Variants in CORO2A observed in about 807,000 individuals in gnomAD.
CORO2A encodes coronin 2A.
In CORO2A, 47 loss-of-function variants were observed where a neutral mutation model predicts 62.4. The ratio of observed to expected loss-of-function variants is 0.75; its 90% CI spans 0.60 to 0.96. CORO2A has a LOEUF of 0.96. Ranked by LOEUF, CORO2A falls within the 40% of genes least tolerant of loss-of-function variation. CORO2A has a pLI of 0.00. For missense variants in CORO2A, 610 were observed against 684.1 expected, an observed-to-expected ratio of 0.89 and a Z score of 1.21; for synonymous variants, 273 against 268.9, an observed-to-expected ratio of 1.02 and a Z score of -0.15.
rs918768478 is a variant in CORO2A, at chr9:98,124,936, C to T, written c.1447-31G>A. The T allele has an allele frequency of 5.2e-6, 8 of 1,551,470 alleles. No individual in the cohort carries two copies. The Admixed American group carries it at 1.6e-4, about 30-fold the overall frequency. The stretch of plus-strand genomic sequence containing the variant: ...GAAGAAAGATCGGAAGGCAGGATCA[C>T]CATGGTGTCAGGACACCAGCTGAAA... On this transcript the variant is annotated intron_variant, in intron 11 of 11. Transcript: ENST00000375077.
Position 98,129,822 on chromosome 9 carries a change from G to A in CORO2A, c.939C>T (p.Tyr313=). The part of the protein sequence containing the change: ...DKPHLSYLTE[Y]RSYNPQKGIG... ...TCCCCTTCTGTGGGTTATAGGAGCG[G>A]TACTCAGTCAGGTAGCTCAGGTGAG... The change falls in exon 8 of 12, where the codon TAC becomes TAT. Residue 313 remains tyrosine (Y), a synonymous_variant. Transcript: ENST00000375077. 6.2e-7 allele frequency: 1 copy of A among 1,613,986 alleles called. No homozygotes were observed. Among genetic ancestry groups the A allele is most frequent in the Non-Finnish European group, 8.5e-7 (1 of 1,179,888 alleles).
chr9:98,131,244 G>C (rs929969838), intron 6 of CORO2A, among the ~76,000 whole-genome samples, 185 bp from the exon 7 acceptor site: 2 of 152,176 alleles, frequency 1.3e-5, no homozygotes, highest in South Asian at 4.1e-4. Context: ...CCAATGTGTG[G>C]GCTACTCTCT....
intron 2 of CORO2A, among the ~76,000 whole-genome samples, chr9:98,151,653 A>T (rs575157930): frequency 6.6e-6 from 1 of 152,008 alleles, no homozygotes; most frequent in South Asian, 2.1e-4. Flanking sequence ...AACACTTTCA[A>T]CTTTTCTTTC....
Position 98,170,356 on chromosome 9 carries a change from C to A in CORO2A, c.1-12696G>T, listed in dbSNP as rs146320064. On this transcript the variant is annotated intron_variant, in intron 1 of 11. Transcript: ENST00000375077. ...TCACACCAGCAGCTTCTTCTGAACC[C>A]CTCCTTGAGGTGGTAGGAGCCAAGG... Among the ~76,000 whole-genome samples the A allele has an allele frequency of 1.3e-3, 199 of 152,338 alleles. 2 individuals are homozygous for A. In the East Asian group the frequency reaches 0.034, roughly 26 times the overall value.
At chr9:98,144,648 C>T (rs1333120230) in intron 2 of CORO2A, among the ~76,000 whole-genome samples, 2 of 152,116 alleles carry the variant, frequency 1.3e-5, no homozygotes, top group African/African-American at 4.8e-5. Context: ...AGAAGGCTCC[C>T]TGGAGGAGGA....
intron 6 of CORO2A, 120 bp from the exon 7 acceptor site, chr9:98,131,179 A>C: frequency 4.5e-6 from 3 of 664,684 alleles, no homozygotes; most frequent in Non-Finnish European, 7.9e-6. Flanking sequence ...TCAGAGAAAA[A>C]GTGTGATTTT....
intron 1 of CORO2A, among the ~76,000 whole-genome samples, chr9:98,182,451 C>T (rs1354259842): frequency 1.3e-5 from 2 of 152,132 alleles, no homozygotes; most frequent in African/African-American, 4.8e-5. Flanking sequence ...ATCTCCCCAG[C>T]CCTCCTCCAC....
chr9:98,145,576 C>A (rs2118844464), intron 2 of CORO2A, among the ~76,000 whole-genome samples: 1 of 152,268 alleles, frequency 6.6e-6, no homozygotes, highest in East Asian at 1.9e-4. Flanking sequence ...AAACAGTTGG[C>A]TAGGACAGGG....
intron 1 of CORO2A, among the ~76,000 whole-genome samples, chr9:98,163,485 C>T (rs866265474): frequency 2.8e-4 from 43 of 152,300 alleles, no homozygotes; most frequent in South Asian, 8.3e-4. Flanking sequence ...CCATTGTGCC[C>T]GGCCTTGAGT....
intron 1 of CORO2A, among the ~76,000 whole-genome samples, chr9:98,167,643 A>G (rs1827980044): frequency 6.6e-6 from 1 of 152,076 alleles, no homozygotes; most frequent in African/African-American, 2.4e-5. Context: ...ACACAAACCA[A>G]TTGCAAAAAG....
At chr9:98,144,884 A>G (rs1827621605) in intron 2 of CORO2A, among the ~76,000 whole-genome samples, 2 of 152,022 alleles carry the variant, frequency 1.3e-5, no homozygotes, top group South Asian at 2.1e-4. Flanking sequence ...GCAAGGCTGG[A>G]CCCAATAGAG....
At chr9:98,154,558 C>T (rs551600609) in intron 2 of CORO2A, among the ~76,000 whole-genome samples, 11 of 151,956 alleles carry the variant, frequency 7.2e-5, no homozygotes, top group Non-Finnish European at 1.6e-4. Context: ...TAACCCTCTC[C>T]ATCCCCCAGG....
At chr9:98,181,997 C>T (rs558898513) in intron 1 of CORO2A, among the ~76,000 whole-genome samples, 1 of 152,298 alleles carries the variant, frequency 6.6e-6, no homozygotes, top group East Asian at 1.9e-4. Context: ...CCTTGACCGG[C>T]ACCATCTGTG....
chr9:98,162,674 T>C lies in CORO2A; in HGVS notation c.1-5014A>G, dbSNP rs141142732. Among the ~76,000 whole-genome samples, 607 of 152,356 alleles carry C rather than the reference T, an allele frequency of 4.0e-3. 1 individual carries two copies. Among genetic ancestry groups the C allele is most frequent in the Non-Finnish European group, 6.9e-3 (469 of 68,026 alleles). The stretch of plus-strand genomic sequence containing the variant: ...GTACTGTGTGTGCACAAGAACTGCA[T>C]TCATCAGGAAGTTCATGAGCGCCTG... On this transcript the variant is annotated intron_variant, in intron 1 of 11. Transcript: ENST00000375077.
intron 1 of CORO2A, among the ~76,000 whole-genome samples, chr9:98,157,995 C>T (rs951479506): frequency 6.6e-6 from 1 of 152,212 alleles, no homozygotes; most frequent in Non-Finnish European, 1.5e-5. Context: ...TTTCACCAGA[C>T]AGCCCAGTAC....
At chr9:98,129,244 C>T (rs1163420863) in intron 8 of CORO2A, among the ~76,000 whole-genome samples, 1 of 152,204 alleles carries the variant, frequency 6.6e-6, no homozygotes. Context: ...TCCCCATCTC[C>T]ATCCCCACAG....
rs150561499 is a variant in CORO2A, at chr9:98,182,588, G to A, written c.-1+9971C>T. On this transcript the variant is annotated intron_variant, in intron 1 of 11. Transcript: ENST00000375077. The stretch of plus-strand genomic sequence containing the variant: ...GGACTCAGGAGCCTTTTCTTTGTGG[G>A]GTTGGATGAGGAAAAAGAAGTGGAA... 5.1e-3 allele frequency among the ~76,000 whole-genome samples: 770 copies of A among 152,316 alleles called. 2 individuals carry two copies. The highest frequency in any genetic ancestry group is 9.2e-3 in the Non-Finnish European group (627 of 68,042).
chr9:98,164,545 C>T lies in CORO2A; in HGVS notation c.1-6885G>A, dbSNP rs1298488979. ...TTTCCCACAGCATCTTCCTTTCTCA[C>T]CAGGCAGGAAGAAAAAAATACAAGG... is the stretch of plus-strand genomic sequence containing the variant. On this transcript the variant is annotated intron_variant, in intron 1 of 11. Coordinates refer to ENST00000375077, the MANE Select transcript of CORO2A (RefSeq NM_052820.4). Among the ~76,000 whole-genome samples the T allele has an allele frequency of 3.9e-4, 59 of 152,208 alleles. 1 individual carries two copies. The highest frequency in any genetic ancestry group is 3.9e-3 in the Admixed American group (59 of 15,276).
chr9:98,153,442 C>A (rs1259149971), intron 2 of CORO2A, among the ~76,000 whole-genome samples: 8 of 145,996 alleles, frequency 5.5e-5, no homozygotes, highest in Admixed American at 2.8e-4. Context: ...GGGTCTTATT[C>A]TGTCACCCAG....
Sources: gnomAD v4.1 joint callset for allele counts (sites outside exome capture counted in the v4.1 genomes callset) on GRCh38, gnomAD v4.1.1 for gene constraint, MANE v1.5 for transcripts, NCBI Gene and HGNC (gene_info 2026-07-23, HGNC 2026-07-21) for gene names.